The following TTN variants were observed in gnomAD, a reference collection of about 807,000 sequenced individuals.
TTN encodes connectin.
A neutral mutation model predicts 3,223.0 loss-of-function variants in TTN; 1,525 were observed. The observed-to-expected ratio is 0.47, with a 90% CI of 0.45 to 0.49. The LOEUF is 0.49. Among genes scored for constraint, TTN ranks in the 20% least tolerant of loss-of-function variants. The pLI, the probability that TTN is intolerant of heterozygous loss-of-function variation, is 0.00. For synonymous variants in TTN, 14,094 were observed against 15,161.0 expected, an observed-to-expected ratio of 0.93 and a Z score of 5.17; for missense variants, 40,786 against 43,424.0, an observed-to-expected ratio of 0.94 and a Z score of 5.40.
rs1561308394 is a variant in TTN, at chr2:178,777,724, T to C, written c.4460A>G (p.Glu1487Gly). ...CTTACCATCATGAAACCAGAACGTC[T>C]CTGGCATAGGTCTACCAACAACCTT... ...DLKVVGRPMP[E>G]TFWFHDGQQI... is the part of the protein sequence containing the mutation. The change falls in exon 25 of 363, where the codon GAG becomes GGG. Residue 1487 changes from glutamate (E) to glycine (G), a missense_variant. Coordinates refer to ENST00000589042, the MANE Select transcript of TTN (RefSeq NM_001267550.2). The C allele has an allele frequency of 6.2e-7, 1 of 1,614,102 alleles. No individual in the cohort carries two copies. The highest frequency in any genetic ancestry group is 2.2e-5 in the East Asian group (1 of 44,882).
chr2:178,781,158 A>G lies in TTN; in HGVS notation c.3486T>C (p.His1162=), dbSNP rs2092729013. 6.2e-7 allele frequency: 1 copy of G among 1,614,076 alleles called. No individual in the cohort carries two copies. The highest frequency in any genetic ancestry group is 8.5e-7 in the Non-Finnish European group (1 of 1,179,962). The part of the protein sequence containing the change: ...GEYTIVVRNK[H]GETSASASLL... ...AGGAAGCAGATGCAGAAGTTTCTCC[A>G]TGCTTATTGCGAACAACAATAGTGT... is the stretch of plus-strand genomic sequence containing the variant. The change falls in exon 21 of 363, where the codon CAT becomes CAC. Residue 1162 remains histidine, a synonymous_variant. Coordinates refer to ENST00000589042, the MANE Select transcript of TTN (RefSeq NM_001267550.2).
chr2:178,795,662 T>C (rs1207641722), intron 6 of TTN, among the ~76,000 whole-genome samples: 1 of 152,150 alleles, frequency 6.6e-6, no homozygotes, highest in Non-Finnish European at 1.5e-5. Context: ...ATAGGTGTTA[T>C]AAGAAGAAAG....
rs749755802 is a variant in TTN, at chr2:178,733,368, T to C, written c.15925A>G (p.Ile5309Val). 2 of 1,613,684 alleles carry C rather than the reference T, an allele frequency of 1.2e-6. No homozygotes were observed. Among genetic ancestry groups the C allele is most frequent in the Non-Finnish European group, 1.7e-6 (2 of 1,179,788 alleles). The part of the protein sequence containing the change: ...RPLVASKKYR[I>V]SFKNNVAQLK... ...TGGGCAACATTGTTTTTAAAACTTA[T>C]TCGGTATTTTTTACTGGCGACCAAG... The change falls in exon 54 of 363, where the codon ATA becomes GTA. Residue 5309 changes from isoleucine to valine, a missense_variant. Transcript: ENST00000589042.
At position 178,577,218 on chromosome 2, in the gene TTN, A is replaced by G. The variant is rs727503572; in HGVS notation, c.69117T>C (p.Asp23039=). The G allele has an allele frequency of 6.2e-7, 1 of 1,612,882 alleles. No homozygotes were observed. Among genetic ancestry groups the G allele is most frequent in the African/African-American group, 1.3e-5 (1 of 74,846 alleles). ...CAACAGGACCTGGGGGACCAGGTACATCAAGGACTGTTACCTTCACATGTT... is the reference window on the plus strand; with the variant it reads ...CAACAGGACCTGGGGGACCAGGTACGTCAAGGACTGTTACCTTCACATGTT... ...KVEHVKVTVL[D]VPGPPGPVEI... is the part of the protein sequence containing the mutation. The change falls in exon 324 of 363, where the codon GAT becomes GAC. Residue 23039 remains aspartate (D), a synonymous_variant. Transcript: ENST00000589042.
intron 236 of TTN, 99 bp downstream of exon 236, chr2:178,632,048 C>T: frequency 7.7e-7 from 1 of 1,305,540 alleles, no homozygotes; most frequent in Admixed American, 3.1e-5. Flanking sequence ...GGGCTGCTTT[C>T]ATGCAATATA....
chr2:178,681,424 T>C lies in TTN; in HGVS notation c.33199A>G (p.Lys11067Glu). The C allele has an allele frequency of 1.9e-6, 3 of 1,612,360 alleles. No individual in the cohort carries two copies. Among genetic ancestry groups the C allele is most frequent in the Non-Finnish European group, 2.5e-6 (3 of 1,179,066 alleles). ...TTCTTAGGAATGGGCACTGGTACTT[T>C]TTCTTCAGGGACAGCTTTCTTCAGC... The part of the protein sequence containing the change: ...KVLKKAVPEE[K>E]VPVPIPKKLK... The change falls in exon 137 of 363, where the codon AAA becomes GAA. Residue 11067 changes from lysine (K) to glutamate (E), a missense_variant. Physicochemically the swap from Lys to Glu is moderately conservative, Grantham distance 56. Transcript: ENST00000589042.
rs746681999 is a variant in TTN at position 178,715,258 on chromosome 2, G to C, written c.25928C>G (p.Pro8643Arg). Residue 8643 changes from proline to arginine, a missense_variant, in exon 90 of 363, where the codon CCC (proline) becomes CGC (arginine). Pro to Arg is a moderately radical substitution (Grantham distance 103). Coordinates refer to ENST00000589042, the MANE Select transcript of TTN (RefSeq NM_001267550.2). Reference protein sequence around the residue: ...SSTSLKVKEPPIFRKKPHPIE... With the variant: ...SSTSLKVKEPRIFRKKPHPIE... ...AGGATGAGGCTTTTTGCGGAAAATGGGTGGTTCTAAAATTGGAAAAAAGGA... is the reference window on the plus strand; with the variant it reads ...AGGATGAGGCTTTTTGCGGAAAATGCGTGGTTCTAAAATTGGAAAAAAGGA... 1.6e-5 allele frequency: 25 copies of C among 1,600,082 alleles called. No homozygotes were observed. The highest frequency in any genetic ancestry group is 2.0e-5 in the Non-Finnish European group (24 of 1,174,088).
chr2:178,747,754 A>C (rs1243536378), intron 47 of TTN: 2 of 1,611,532 alleles, frequency 1.2e-6, no homozygotes. Flanking sequence ...TTTGAGAAAA[A>C]CTAGTTTCTA....
In TTN at chr2:178,731,803, A is replaced by G; in HGVS notation, c.17072T>C (p.Leu5691Pro). 1 of 1,613,840 alleles carries G rather than the reference A, an allele frequency of 6.2e-7. No homozygotes were observed. The highest frequency in any genetic ancestry group is 8.5e-7 in the Non-Finnish European group (1 of 1,179,768). The change falls in exon 58 of 363, where the codon CTG (leucine) becomes CCG (proline). Residue 5691 changes from leucine to proline, a missense_variant. Coordinates refer to ENST00000589042, the MANE Select transcript of TTN (RefSeq NM_001267550.2). Reference protein sequence around the residue: ...RKYKTFIQDHLVSLQILKFVA... With the variant: ...RKYKTFIQDHPVSLQILKFVA... ...AAACTTGAGGATCTGCAGGCTAACC[A>G]GATGATCCTGAATGAAAGTCTTATA...
Position 178,736,085 on chromosome 2 carries a change from A to C in TTN, c.14372-11T>G. The C allele has an allele frequency of 6.5e-7, 1 of 1,541,610 alleles. No individual in the cohort carries two copies. Among genetic ancestry groups the C allele is most frequent in the Non-Finnish European group, 8.7e-7 (1 of 1,148,132 alleles). Reference sequence around the variant, plus strand: ...TTGGTGGATATGCCTCTGCAAAAGAAATTTTTCCAGCATTACATTTAGTCC... The same window carrying C: ...TTGGTGGATATGCCTCTGCAAAAGACATTTTTCCAGCATTACATTTAGTCC... On this transcript the variant is annotated splice_polypyrimidine_tract_variant and intron_variant, in intron 49 of 362. Transcript: ENST00000589042.
chr2:178,798,748 A>G (rs981383699), intron 6 of TTN: 5 of 152,210 alleles, frequency 3.3e-5, no homozygotes, highest in African/African-American at 1.2e-4. Context: ...GTGAACATTT[A>G]ATGAGATAAT....
intron 156 of TTN, 36 bp from the exon 157 acceptor site, chr2:178,670,331 A>G: frequency 1.6e-6 from 2 of 1,258,140 alleles, no homozygotes; most frequent in Non-Finnish European, 2.1e-6. Context: ...TTTTATTTTT[A>G]AATATACAAT....
chr2:178,607,401 C>T lies in TTN; in HGVS notation c.53287G>A (p.Asp17763Asn). Reference protein sequence around the residue: ...KFAAARVEVFDVPGPVLDLKP... With the variant: ...KFAAARVEVFNVPGPVLDLKP... ...TGAAAATCAGTGCAACATTCCTTACCAAAAACTTCTACCCTGGCTGCTGCA... is the reference window on the plus strand; with the variant it reads ...TGAAAATCAGTGCAACATTCCTTACTAAAAACTTCTACCCTGGCTGCTGCA... The change falls in exon 277 of 363, where the codon GAT becomes AAT. Residue 17763 changes from aspartate to asparagine, a missense_variant and splice_region_variant. Transcript: ENST00000589042. 1 of 1,612,978 alleles carries T rather than the reference C, an allele frequency of 6.2e-7. No individual in the cohort carries two copies. Among genetic ancestry groups the T allele is most frequent in the Non-Finnish European group, 8.5e-7 (1 of 1,179,352 alleles).
chr2:178,702,022 T>A lies in TTN; in HGVS notation c.30538+18A>T. 6.2e-7 allele frequency: 1 copy of A among 1,608,288 alleles called. No homozygotes were observed. Among genetic ancestry groups the A allele is most frequent in the Non-Finnish European group, 8.5e-7 (1 of 1,176,950 alleles). ...AAATTTATTGTAAGCAAGGATTGAT[T>A]TTTACAAAACAACTTACCAGGAGGC... On this transcript the variant is annotated intron_variant, in intron 109 of 362. Transcript: ENST00000589042.
Position 178,800,478 on chromosome 2 carries a change from T to A in TTN, c.500A>T (p.Tyr167Phe), listed in dbSNP as rs1331857304. ...TGAATAGGTCCCTGAGTCCTCAGGG[T>A]ATGCTTCTGCAATCAGTAAGCTGTA... ...DLYSLLIAEA[Y>F]PEDSGTYSVN... Residue 167 changes from tyrosine (Y) to phenylalanine (F), a missense_variant, in exon 4 of 363, where the codon TAC (tyrosine) becomes TTC (phenylalanine). Tyr to Phe is a conservative substitution (Grantham distance 22). Transcript: ENST00000589042. 1.9e-6 allele frequency: 3 copies of A among 1,614,014 alleles called. No homozygotes were observed. In the African/African-American group the frequency reaches 4.0e-5, roughly 22 times the overall value.
rs750424357 is a variant in TTN, at chr2:178,570,766, C to T, written c.75366G>A (p.Val25122=). The T allele has an allele frequency of 5.0e-6, 8 of 1,613,402 alleles. No individual in the cohort carries two copies. Among genetic ancestry groups the T allele is most frequent in the Non-Finnish European group, 5.9e-6 (7 of 1,179,624 alleles). ...CCTTGAATGATTCACCAGCATGAAC[C>T]ACGATTGTGTCTTTGTATTTTGGAT... The part of the protein sequence containing the change: ...SMDPKYKDTI[V]VHAGESFKVD... Residue 25122 remains valine, a synonymous_variant, in exon 326 of 363, where the codon GTG becomes GTA. Coordinates refer to ENST00000589042, the MANE Select transcript of TTN (RefSeq NM_001267550.2).
intron 295 of TTN, among the ~76,000 whole-genome samples, chr2:178,594,928 G>C (rs1373790161): frequency 1.3e-5 from 2 of 152,040 alleles, no homozygotes; most frequent in Non-Finnish European, 2.9e-5. Flanking sequence ...AAATAATTCA[G>C]TTTCTATTAA....
chr2:178,583,341 TATTTC>T (rs2048205488), intron 312 of TTN, 114 bp from the exon 313 acceptor site: 24 of 1,091,896 alleles, frequency 2.2e-5, no homozygotes, highest in Non-Finnish European at 2.7e-5. Flanking sequence ...ATTTTAGTGT[TATTTC>T]ATTTTGTTTA....
At chr2:178,779,670 G>A (rs1450086290) in intron 22 of TTN, among the ~76,000 whole-genome samples, 1 of 152,158 alleles carries the variant, frequency 6.6e-6, no homozygotes, top group Non-Finnish European at 1.5e-5. Flanking sequence ...CCAAAAGCAG[G>A]AGTTAGATTT....
Sources: allele counts gnomAD v4.1 joint callset (sites outside exome capture counted in the v4.1 genomes callset), GRCh38; gene constraint gnomAD v4.1.1; transcripts MANE v1.5; gene names NCBI Gene and HGNC (gene_info 2026-07-23, HGNC 2026-07-21).